The following MIA2 variants were observed in gnomAD, a reference collection of about 807,000 sequenced individuals.
MIA2 encodes melanoma inhibitory activity protein 2.
MIA2 carries 127 observed loss-of-function variants against 167.8 expected under a neutral mutation model. The observed-to-expected ratio is 0.76, with a 90% CI of 0.66 to 0.88. The LOEUF (loss-of-function observed/expected upper bound fraction) is 0.88. Among genes scored for constraint, MIA2 ranks in the 40% least tolerant of loss-of-function variants. The probability of loss-of-function intolerance (pLI) is 0.00; values close to 1 mark genes in which losing one functional copy is unlikely to be tolerated. For missense variants in MIA2, 1,690 were observed against 1,624.7 expected (o/e 1.04, Z -0.69); for synonymous variants, 552 against 541.9 (o/e 1.02, Z -0.26).
At chr14:39,258,472 T>C (rs2054921396) in intron 6 of MIA2, among the ~76,000 whole-genome samples, 1 of 152,226 alleles carries the variant, frequency 6.6e-6, no homozygotes, top group Non-Finnish European at 1.5e-5. Flanking sequence ...TTATTTTAGT[T>C]AGCAGTTCCT....
chr14:39,301,789 A>G (rs1437574501), intron 14 of MIA2, among the ~76,000 whole-genome samples: 1 of 152,186 alleles, frequency 6.6e-6, no homozygotes, highest in African/African-American at 2.4e-5. Flanking sequence ...GTTTGGTGTC[A>G]CACAGAATTT....
At chr14:39,363,925 G>A (rs1040804506) in intron 23 of MIA2, among the ~76,000 whole-genome samples, 2 of 152,148 alleles carry the variant, frequency 1.3e-5, no homozygotes, top group Non-Finnish European at 2.9e-5. Flanking sequence ...CAGGTGATGT[G>A]ATTTTCTTGT....
chr14:39,324,275 T>G (rs1305232342), intron 24 of MIA2, among the ~76,000 whole-genome samples: 1 of 152,212 alleles, frequency 6.6e-6, no homozygotes, highest in Non-Finnish European at 1.5e-5. Context: ...CCAGATGAAC[T>G]CAGCCTAAAT....
chr14:39,372,618 A>C (rs900717748), intron 23 of MIA2, among the ~76,000 whole-genome samples: 2 of 152,226 alleles, frequency 1.3e-5, no homozygotes, highest in African/African-American at 4.8e-5. Context: ...GGAATCTAAG[A>C]GTATAGGAAA....
intron 23 of MIA2, among the ~76,000 whole-genome samples, chr14:39,371,385 T>C (rs2074943944): frequency 6.6e-6 from 1 of 152,182 alleles, no homozygotes; most frequent in South Asian, 2.1e-4. Flanking sequence ...AAGACAAGAC[T>C]TTTTTAGGGC....
At chr14:39,342,574 G>A (rs1351307489) in intron 25 of MIA2, among the ~76,000 whole-genome samples, 1 of 152,182 alleles carries the variant, frequency 6.6e-6, no homozygotes, top group African/African-American at 2.4e-5. Context: ...CTAGATCCCT[G>A]AGGAATTGCC....
chr14:39,260,336 A>G (rs1191600789), intron 6 of MIA2, among the ~76,000 whole-genome samples: 1 of 152,176 alleles, frequency 6.6e-6, no homozygotes, highest in East Asian at 1.9e-4. Context: ...GTGTAAAAGC[A>G]TTCCTATTTC....
intron 13 of MIA2, among the ~76,000 whole-genome samples, chr14:39,295,648 C>T (rs1324280026): frequency 2.0e-5 from 3 of 152,076 alleles, no homozygotes; most frequent in Non-Finnish European, 4.4e-5. Context: ...CGACCTCTGC[C>T]TCCCAGGTTC....
chr14:39,337,878 C>T (rs574299517), intron 25 of MIA2, among the ~76,000 whole-genome samples: 23 of 152,114 alleles, frequency 1.5e-4, no homozygotes, highest in Non-Finnish European at 2.2e-4. Flanking sequence ...CCACCATGCC[C>T]GGCCAGGCTA....
At chr14:39,364,355 C>T (rs530490591) in intron 23 of MIA2, among the ~76,000 whole-genome samples, 1 of 149,952 alleles carries the variant, frequency 6.7e-6, no homozygotes, top group South Asian at 2.1e-4. Flanking sequence ...GGCGACAGAG[C>T]AAGACTCTCA....
chr14:39,357,571 A>T (rs1452862386), intron 23 of MIA2, among the ~76,000 whole-genome samples: 1 of 152,070 alleles, frequency 6.6e-6, no homozygotes, highest in Non-Finnish European at 1.5e-5. Flanking sequence ...TAATATTGTT[A>T]TGTGTGAATT....
intron 25 of MIA2, among the ~76,000 whole-genome samples, chr14:39,334,647 A>T (rs1465786950): frequency 1.3e-5 from 2 of 148,704 alleles, no homozygotes; most frequent in African/African-American, 5.0e-5. Flanking sequence ...GCTCACTGCA[A>T]CCTCTGCCTC....
chr14:39,349,604 C>G lies in MIA2; in HGVS notation c.4073-494C>G, dbSNP rs1040100841. ...AATGTCTCATATAGTCTTTCCTTCC[C>G]TTGTTTCTCTTCTCTTTTTAAAGTT... On this transcript the variant is annotated intron_variant, in intron 28 of 28. Transcript: ENST00000640607. 4.6e-5 allele frequency among the ~76,000 whole-genome samples: 7 copies of G among 152,142 alleles called. No individual in the cohort carries two copies. The East Asian group carries it at 1.3e-3, about 29-fold the overall frequency.
intron 6 of MIA2, 50 bp from the exon 7 acceptor site, chr14:39,276,884 A>G (rs370813465): frequency 6.3e-7 from 1 of 1,596,858 alleles, no homozygotes; most frequent in African/African-American, 1.4e-5. Context: ...TGTAATCAAT[A>G]TTTTTACCAA....
intron 25 of MIA2, among the ~76,000 whole-genome samples, chr14:39,334,462 A>G (rs1259966972): frequency 4.0e-5 from 6 of 150,996 alleles, no homozygotes; most frequent in Non-Finnish European, 8.8e-5. Context: ...CAACAGAGAG[A>G]GACTCTCTCA....
At chr14:39,367,150 T>C (rs1345902349) in intron 23 of MIA2, among the ~76,000 whole-genome samples, 1 of 152,194 alleles carries the variant, frequency 6.6e-6, no homozygotes, top group African/African-American at 2.4e-5. Flanking sequence ...TGGCTCCCTT[T>C]GTCCTGGGGG....
intron 4 of MIA2, among the ~76,000 whole-genome samples, chr14:39,248,977 G>T (rs137901161): frequency 3.3e-5 from 5 of 152,094 alleles, no homozygotes; most frequent in African/African-American, 1.2e-4. Flanking sequence ...GAGCTCAAGC[G>T]ATCTGCCCCA....
chr14:39,311,939 C>T (rs1246219889), intron 18 of MIA2, among the ~76,000 whole-genome samples: 1 of 150,272 alleles, frequency 6.7e-6, no homozygotes, highest in Non-Finnish European at 1.5e-5. Flanking sequence ...AAGCAATTCT[C>T]CTGCCTCAGA....
At chr14:39,322,112 A>T (rs1357933665) in intron 24 of MIA2, among the ~76,000 whole-genome samples, 1 of 151,950 alleles carries the variant, frequency 6.6e-6, no homozygotes, top group Admixed American at 6.6e-5. Context: ...AATTAAAAAA[A>T]TTTACATTAG....
Sources: allele counts gnomAD v4.1 joint callset (sites outside exome capture counted in the v4.1 genomes callset), GRCh38; gene constraint gnomAD v4.1.1; transcripts MANE v1.5; gene names NCBI Gene and HGNC (gene_info 2026-07-23, HGNC 2026-07-21).